Variants in BARX2 observed in about 807,000 individuals in gnomAD.
BARX2 encodes the protein homeobox protein BarH-like 2.
A neutral mutation model predicts 25.5 loss-of-function variants in BARX2; 11 were observed. The ratio of observed to expected loss-of-function variants is 0.43; its 90% CI spans 0.27 to 0.71. BARX2 has a LOEUF of 0.71. Ranked by LOEUF, BARX2 falls within the 30% of genes least tolerant of loss-of-function variation. The pLI is 0.19. For synonymous variants in BARX2, 137 were observed against 149.5 expected (o/e 0.92, Z 0.61); for missense variants, 360 against 359.9 (o/e 1.00, Z 0.00).
At chr11:129,443,997 A>G (rs1862294252) in intron 3 of BARX2, among the ~76,000 whole-genome samples, 1 of 151,650 alleles carries the variant, frequency 6.6e-6, no homozygotes, top group African/African-American at 2.4e-5. Flanking sequence ...TGACATTCTA[A>G]TTTGCTAACC....
chr11:129,449,078 T>C (rs1482821483), intron 3 of BARX2, among the ~76,000 whole-genome samples: 5 of 152,198 alleles, frequency 3.3e-5, no homozygotes, highest in Admixed American at 2.6e-4. Context: ...CCGCTAATGC[T>C]ATGGGGTTTC....
intron 3 of BARX2, 79 bp from the exon 4 acceptor site, chr11:129,451,057 C>T (rs1405919642): frequency 1.2e-5 from 18 of 1,524,056 alleles, no homozygotes; most frequent in Admixed American, 1.1e-4. Flanking sequence ...TTAGATGCAA[C>T]GTGAGGTTAT....
intron 1 of BARX2, among the ~76,000 whole-genome samples, chr11:129,380,861 C>T (rs901272585): frequency 6.6e-6 from 1 of 151,866 alleles, no homozygotes; most frequent in Non-Finnish European, 1.5e-5. Flanking sequence ...ACTGCAACCT[C>T]CACCTTCTGG....
chr11:129,380,998 A>G (rs1565507666), intron 1 of BARX2, among the ~76,000 whole-genome samples: 1 of 152,094 alleles, frequency 6.6e-6, no homozygotes, highest in Non-Finnish European at 1.5e-5. Context: ...GCTGGTCTCG[A>G]ACTCCTAATC....
intron 1 of BARX2, among the ~76,000 whole-genome samples, chr11:129,389,212 C>T (rs1006853000): frequency 6.6e-6 from 1 of 152,160 alleles, no homozygotes; most frequent in Non-Finnish European, 1.5e-5. Flanking sequence ...TTGATAGCTT[C>T]TATTAAAAAT....
chr11:129,441,026 G>T (rs1862251147), intron 2 of BARX2, among the ~76,000 whole-genome samples: 1 of 152,226 alleles, frequency 6.6e-6, no homozygotes, highest in African/African-American at 2.4e-5. Context: ...GCTTATGTTG[G>T]CTTAAGGAGG....
chr11:129,379,796 A>AT (rs34342058), intron 1 of BARX2, among the ~76,000 whole-genome samples: 2 of 151,712 alleles, frequency 1.3e-5, no homozygotes, highest in African/African-American at 4.8e-5. Flanking sequence ...TTTTATTACA[A>AT]TTTTTTCTAC....
rs770770089 is a variant in BARX2 at position 129,436,728 on chromosome 11, C to G, written c.188-23C>G. The G allele has an allele frequency of 1.9e-6, 3 of 1,542,008 alleles. No individual in the cohort carries two copies. The South Asian group carries it at 3.7e-5, about 19-fold the overall frequency. On this transcript the variant is annotated intron_variant, in intron 1 of 3. Coordinates refer to ENST00000281437, the MANE Select transcript of BARX2 (RefSeq NM_003658.5). This position sits in a 1 kb window ranked among gnomAD's most constrained non-coding sequence, Gnocchi z 4.5. ...TCCCCACACCGTTCCCTGTGGTGACCTGCCTCCCTGCTTGTTTTCCAGGCT... is the reference window on the plus strand; with the variant it reads ...TCCCCACACCGTTCCCTGTGGTGACGTGCCTCCCTGCTTGTTTTCCAGGCT...
chr11:129,422,519 G>A (rs1043032854), intron 1 of BARX2, among the ~76,000 whole-genome samples: 6 of 151,828 alleles, frequency 4.0e-5, no homozygotes, highest in Admixed American at 2.0e-4. Flanking sequence ...GGTTGATCTC[G>A]AATTTCTGGC....
intron 3 of BARX2, among the ~76,000 whole-genome samples, chr11:129,445,433 T>C (rs1862314502): frequency 6.6e-6 from 1 of 152,254 alleles, no homozygotes; most frequent in Admixed American, 6.5e-5. Flanking sequence ...CCTTCGTCTC[T>C]GACGTCACTT....
intron 1 of BARX2, among the ~76,000 whole-genome samples, chr11:129,430,829 T>C (rs759989714): frequency 1.5e-4 from 23 of 152,286 alleles, no homozygotes; most frequent in Admixed American, 6.5e-4. Context: ...AGCATAGTCA[T>C]TTGAGATTCA....
intron 1 of BARX2, among the ~76,000 whole-genome samples, chr11:129,425,060 C>T (rs1244168783): frequency 6.6e-6 from 1 of 152,164 alleles, no homozygotes; most frequent in Non-Finnish European, 1.5e-5. Flanking sequence ...ATTACTATTG[C>T]CTTTTTATAG....
chr11:129,443,522 C>T (rs868004263), intron 3 of BARX2, among the ~76,000 whole-genome samples: 2 of 152,190 alleles, frequency 1.3e-5, no homozygotes, highest in Admixed American at 6.5e-5. Flanking sequence ...TCTAGGCCCC[C>T]TCCCAGGATT....
rs376485420 is a variant in BARX2, at chr11:129,447,432, C to T, written c.574-3704C>T. 3.9e-5 allele frequency among the ~76,000 whole-genome samples: 6 copies of T among 152,196 alleles called. No homozygotes were observed. The East Asian group carries it at 9.7e-4, about 25-fold the overall frequency. On this transcript the variant is annotated intron_variant, in intron 3 of 3. Transcript: ENST00000281437. ...GAGCTCTCTGGCTTCTCTGGACCAA[C>T]GGGACTAAACTGGCTCTAAGAATAA...
rs1356048025 is a variant in BARX2 at position 129,376,927 on chromosome 11, G to T, written c.187+705G>T. ...GTAAGAGCAATAGTAAAGATAAAGAGAACTTAATACATATATTGAAAACGT... is the reference window on the plus strand; with the variant it reads ...GTAAGAGCAATAGTAAAGATAAAGATAACTTAATACATATATTGAAAACGT... On this transcript the variant is annotated intron_variant, in intron 1 of 3. Transcript: ENST00000281437. This position sits in a 1 kb window ranked among gnomAD's most constrained non-coding sequence, Gnocchi z 4.2. Among the ~76,000 whole-genome samples, 1 of 152,192 alleles carries T rather than the reference G, an allele frequency of 6.6e-6. No homozygotes were observed. Among genetic ancestry groups the T allele is most frequent in the Non-Finnish European group, 1.5e-5 (1 of 68,038 alleles).
At chr11:129,420,495 A>G (rs987678195) in intron 1 of BARX2, among the ~76,000 whole-genome samples, 22 of 152,178 alleles carry the variant, frequency 1.4e-4, no homozygotes, top group African/African-American at 5.3e-4. Flanking sequence ...TGCCTCATCC[A>G]TCAAAGACTG....
intron 2 of BARX2, among the ~76,000 whole-genome samples, chr11:129,438,674 G>T (rs574697854): frequency 2.4e-4 from 36 of 152,310 alleles, no homozygotes; most frequent in African/African-American, 8.2e-4. Flanking sequence ...GGTGCCACTG[G>T]GGCACTGTGG....
chr11:129,425,328 TGG>T (rs1247647781), intron 1 of BARX2, among the ~76,000 whole-genome samples: 3 of 152,156 alleles, frequency 2.0e-5, no homozygotes, highest in African/African-American at 4.8e-5. Flanking sequence ...ACAGAATGTG[TGG>T]GTGCATGAAG....
intron 3 of BARX2, among the ~76,000 whole-genome samples, chr11:129,449,223 A>C (rs1004811166): frequency 6.6e-6 from 1 of 152,312 alleles, no homozygotes; most frequent in East Asian, 1.9e-4. Flanking sequence ...GCTGTATACA[A>C]AGTAAGTTAT....
Sources: gnomAD v4.1 joint callset for allele counts (sites outside exome capture counted in the v4.1 genomes callset) on GRCh38, gnomAD v4.1.1 for gene constraint, Gnocchi (gnomAD v3.1) non-coding constraint, MANE v1.5 for transcripts, NCBI Gene and HGNC (gene_info 2026-07-23, HGNC 2026-07-21) for gene names.